The following GNAI1 variants were observed in gnomAD, a reference collection of about 807,000 sequenced individuals.
GNAI1 encodes the protein guanine nucleotide-binding protein G(i) subunit alpha-1.
A neutral mutation model predicts 38.9 loss-of-function variants in GNAI1; 11 were observed. That is an observed-to-expected ratio of 0.28 (90% CI 0.18 to 0.47). The LOEUF (loss-of-function observed/expected upper bound fraction) is 0.47, where lower values mean the gene tolerates loss of function less well. Among genes scored for constraint, GNAI1 ranks in the 20% least tolerant of loss-of-function variants. The pLI is 0.99. For synonymous variants in GNAI1, 166 were observed against 145.1 expected (o/e 1.14, Z -1.04); for missense variants, 317 against 436.9 (o/e 0.73, Z 2.45).
intron 5 of GNAI1, among the ~76,000 whole-genome samples, chr7:80,204,509 C>T (rs549405073): frequency 7.2e-4 from 110 of 152,198 alleles, no homozygotes; most frequent in South Asian, 2.3e-3. Flanking sequence ...AACTACTTTC[C>T]TCTTTTTCCA....
intron 1 of GNAI1, among the ~76,000 whole-genome samples, chr7:80,156,042 C>CAAAAAAAAAAAAAA (rs1182960135): frequency 1.5e-5 from 1 of 68,532 alleles, no homozygotes; most frequent in Non-Finnish European, 3.0e-5. Flanking sequence ...GACTCTGTCT[C>CAAAAAAAAAAAAAA]AAAAAAAAAA....
At chr7:80,189,354 G>T in intron 3 of GNAI1, 123 bp downstream of exon 3, 1 of 793,978 alleles carries the variant, frequency 1.3e-6, no homozygotes. Flanking sequence ...GAACCAAAAG[G>T]ATAGAAGTGA....
intron 5 of GNAI1, among the ~76,000 whole-genome samples, chr7:80,205,062 C>T (rs1309581609): frequency 6.6e-6 from 1 of 152,102 alleles, no homozygotes; most frequent in Non-Finnish European, 1.5e-5. Flanking sequence ...TCACATGTCC[C>T]AAGTGCCAGT....
At chr7:80,149,816 G>A (rs1022138114) in intron 1 of GNAI1, among the ~76,000 whole-genome samples, 5 of 152,018 alleles carry the variant, frequency 3.3e-5, no homozygotes, top group African/African-American at 1.2e-4. Context: ...TTTTAACAAG[G>A]CATTTTTAAA....
At chr7:80,137,300 T>C (rs1352058280) in intron 1 of GNAI1, among the ~76,000 whole-genome samples, 2 of 113,218 alleles carry the variant, frequency 1.8e-5, no homozygotes, top group South Asian at 3.1e-4. Flanking sequence ...TTTCTTTTTT[T>C]TTTTTTCTTT....
intron 1 of GNAI1, among the ~76,000 whole-genome samples, chr7:80,154,568 ATTC>A (rs1475724663): frequency 6.6e-6 from 1 of 152,090 alleles, no homozygotes; most frequent in Non-Finnish European, 1.5e-5. Flanking sequence ...TTTTATTTGG[ATTC>A]TTCTTACATA....
At position 80,221,489 on chromosome 7, in the gene GNAI1, G is replaced by A. The variant is rs918847172; in HGVS notation, c.*3996G>A. Among the ~76,000 whole-genome samples the A allele has an allele frequency of 6.6e-6, 1 of 151,878 alleles. No individual in the cohort carries two copies. The highest frequency in any genetic ancestry group is 1.9e-4 in the East Asian group (1 of 5,182). On this transcript the variant is annotated 3_prime_UTR_variant, in exon 8 of 8. Coordinates refer to ENST00000649796, the MANE Select transcript of GNAI1 (RefSeq NM_002069.6). The stretch of plus-strand genomic sequence containing the variant: ...CTCAAAAACAAAACTCTCATAATTC[G>A]TTTTCATAATGAAAACTAAGTGTCT...
intron 1 of GNAI1, among the ~76,000 whole-genome samples, chr7:80,171,633 A>G (rs1441345242): frequency 6.6e-6 from 1 of 152,204 alleles, no homozygotes; most frequent in African/African-American, 2.4e-5. Flanking sequence ...AAACAATCCT[A>G]TTGACAGATG....
rs548260387 is a variant in GNAI1, at chr7:80,161,394, G to A, written c.118+26116G>A. 6.6e-5 allele frequency among the ~76,000 whole-genome samples: 10 copies of A among 152,226 alleles called. No homozygotes were observed. In the East Asian group the frequency reaches 1.9e-3, roughly 29 times the overall value. Reference sequence around the variant, plus strand: ...ATCAGCAACAGTATTTTTTTGATAAGCATTTTAGGAGTTAATTGAGTACAG... The same window carrying A: ...ATCAGCAACAGTATTTTTTTGATAAACATTTTAGGAGTTAATTGAGTACAG... On this transcript the variant is annotated intron_variant, in intron 1 of 7. Transcript: ENST00000649796.
intron 5 of GNAI1, among the ~76,000 whole-genome samples, chr7:80,208,600 C>G (rs1419622314): frequency 6.6e-6 from 1 of 152,136 alleles, no homozygotes; most frequent in African/African-American, 2.4e-5. Flanking sequence ...GTTTGAGAAC[C>G]ACTAGCTTAG....
chr7:80,136,057 G>T, intron 1 of GNAI1: 1 of 985,208 alleles, frequency 1.0e-6, no homozygotes, highest in Non-Finnish European at 1.2e-6. Flanking sequence ...CGTTTCTGAT[G>T]AATGAGATTT....
rs569313562 is a variant in GNAI1, at chr7:80,172,945, C to T, written c.119-16006C>T. On this transcript the variant is annotated intron_variant, in intron 1 of 7. Transcript: ENST00000649796. ...GAGTGTGACAGAGACTGCCAGTTAT[C>T]CCCCCAATAACCAGTGTCCTTCAGC... Among the ~76,000 whole-genome samples the T allele has an allele frequency of 9.9e-5, 15 of 152,060 alleles. No individual in the cohort carries two copies. In the East Asian group the frequency reaches 1.5e-3, roughly 16 times the overall value.
chr7:80,205,343 A>G (rs1449885828), intron 5 of GNAI1, among the ~76,000 whole-genome samples: 2 of 152,038 alleles, frequency 1.3e-5, no homozygotes, highest in Non-Finnish European at 2.9e-5. Context: ...CAACAAGGTT[A>G]AGATTGATTT....
At chr7:80,175,983 G>C (rs1245085191) in intron 1 of GNAI1, among the ~76,000 whole-genome samples, 1 of 152,178 alleles carries the variant, frequency 6.6e-6, no homozygotes, top group Admixed American at 6.5e-5. Flanking sequence ...ATTAAGCTTA[G>C]TGAGGAAGTC....
At chr7:80,154,652 T>C (rs1275087758) in intron 1 of GNAI1, among the ~76,000 whole-genome samples, 1 of 152,218 alleles carries the variant, frequency 6.6e-6, no homozygotes, top group African/African-American at 2.4e-5. Flanking sequence ...AATAACATGT[T>C]AAACTTCTAC....
intron 5 of GNAI1, among the ~76,000 whole-genome samples, chr7:80,208,160 C>T (rs1440843356): frequency 6.6e-6 from 1 of 152,124 alleles, no homozygotes; most frequent in Admixed American, 6.6e-5. Context: ...TCTCCTTCCA[C>T]CCCACCCTTC....
intron 4 of GNAI1, among the ~76,000 whole-genome samples, chr7:80,202,613 C>CAA: frequency 6.6e-6 from 1 of 152,270 alleles, no homozygotes; most frequent in Middle Eastern, 3.4e-3. Flanking sequence ...TCAGTAAATA[C>CAA]AATACAGGTA....
intron 1 of GNAI1, among the ~76,000 whole-genome samples, chr7:80,180,474 ATTTTCCCACATC>A (rs1788274022): frequency 6.6e-6 from 1 of 151,960 alleles, no homozygotes; most frequent in African/African-American, 2.4e-5. Context: ...ATAATGTCAA[ATTTTCCCACATC>A]TTTTTCTACC....
chr7:80,142,063 C>G (rs1159050286), intron 1 of GNAI1, among the ~76,000 whole-genome samples: 2 of 152,160 alleles, frequency 1.3e-5, no homozygotes, highest in East Asian at 3.8e-4. Context: ...TCACTTCGTT[C>G]TGAGCCCACA....
Sources: gnomAD v4.1 joint callset for allele counts (sites outside exome capture counted in the v4.1 genomes callset) on GRCh38, gnomAD v4.1.1 for gene constraint, MANE v1.5 for transcripts, NCBI Gene and HGNC (gene_info 2026-07-23, HGNC 2026-07-21) for gene names.